The following MGAM variants were observed in gnomAD, a reference collection of about 807,000 sequenced individuals.
MGAM encodes the protein alpha-1,4-glucosidase.
MGAM carries 253 observed loss-of-function variants against 358.8 expected under a neutral mutation model. That is an observed-to-expected ratio of 0.71 (90% CI 0.64 to 0.78). The LOEUF is 0.78. Among genes scored for constraint, MGAM ranks in the 30% least tolerant of loss-of-function variants. The probability of loss-of-function intolerance (pLI) is 0.00; values close to 1 mark genes in which losing one functional copy is unlikely to be tolerated. For missense variants in MGAM, 3,080 were observed against 3,432.6 expected (o/e 0.90, Z 2.57); for synonymous variants, 1,105 against 1,227.1 (o/e 0.90, Z 2.08).
Position 142,027,105 on chromosome 7 carries a change from A to G in MGAM, c.983-10A>G. ...CTGATTTTTATTTTCTTCATTTTTAACCTTTCAAGAGGTTGTCCTTCAGCC... is the reference window on the plus strand; with the variant it reads ...CTGATTTTTATTTTCTTCATTTTTAGCCTTTCAAGAGGTTGTCCTTCAGCC... On this transcript the variant is annotated splice_polypyrimidine_tract_variant and intron_variant, in intron 8 of 70. Coordinates refer to ENST00000475668, the MANE Select transcript of MGAM (RefSeq NM_001365693.1). The G allele has an allele frequency of 6.3e-7, 1 of 1,595,586 alleles. No homozygotes were observed.
At chr7:142,097,425 T>C (rs1816024746) in intron 65 of MGAM, among the ~76,000 whole-genome samples, 168 bp from the exon 66 acceptor site, 1 of 152,180 alleles carries the variant, frequency 6.6e-6, no homozygotes. Flanking sequence ...ATCTCTCCTG[T>C]TTGAAAAAGG....
chr7:142,100,284 T>C (rs543905173), intron 67 of MGAM, among the ~76,000 whole-genome samples: 5 of 152,274 alleles, frequency 3.3e-5, no homozygotes, highest in African/African-American at 1.2e-4. Context: ...CACCATTTCA[T>C]AGATGAGCAA....
At chr7:142,021,193 A>G (rs939114797) in intron 5 of MGAM, 110 bp downstream of exon 5, 5 of 713,422 alleles carry the variant, frequency 7.0e-6, no homozygotes, top group South Asian at 5.8e-5. Flanking sequence ...GTATTTTTCT[A>G]TATTGCTATT....
In MGAM at chr7:142,045,154, TG is replaced by T. The variant is rs1809922703; in HGVS notation, c.2499-2630del. Among the ~76,000 whole-genome samples the T allele has an allele frequency of 1.6e-4, 12 of 75,900 alleles. 1 individual carries two copies. The highest frequency in any genetic ancestry group is 3.7e-4 in the Admixed American group (2 of 5,452). 49.8% of individuals were successfully genotyped at this position (75,900 alleles called of 152,430 possible). On this transcript the variant is annotated intron_variant, in intron 21 of 70. Coordinates refer to ENST00000475668, the MANE Select transcript of MGAM (RefSeq NM_001365693.1). Reference sequence around the variant, plus strand: ...ATATGTATATTATATATCATATATGTGATATATAATATATATATTATATAAC... The same window carrying T: ...ATATGTATATTATATATCATATATGTATATATAATATATATATTATATAAC...
intron 21 of MGAM, among the ~76,000 whole-genome samples, chr7:142,042,750 TAA>T (rs1491256672): frequency 1.3e-5 from 1 of 77,780 alleles, no homozygotes; most frequent in African/African-American, 5.3e-5. Flanking sequence ...TATCTGAATA[TAA>T]TATATATATT....
chr7:142,101,329 A>C (rs1193829691), intron 68 of MGAM, among the ~76,000 whole-genome samples: 1 of 151,770 alleles, frequency 6.6e-6, no homozygotes, highest in Non-Finnish European at 1.5e-5. Flanking sequence ...TTGCTCAAGA[A>C]ATTATTAGCT....
chr7:142,051,528 C>A (rs1360798140), intron 24 of MGAM, among the ~76,000 whole-genome samples: 1 of 152,026 alleles, frequency 6.6e-6, no homozygotes, highest in African/African-American at 2.4e-5. Context: ...GATAAGAAAA[C>A]TATATAGAAA....
intron 21 of MGAM, among the ~76,000 whole-genome samples, chr7:142,045,137 AT>A: frequency 1.5e-5 from 1 of 66,804 alleles, no homozygotes; most frequent in African/African-American, 4.5e-5. Context: ...TAATATGTAT[AT>A]TATATATCAT....
intron 2 of MGAM, among the ~76,000 whole-genome samples, chr7:142,008,295 G>C (rs1029220549): frequency 6.6e-6 from 1 of 152,126 alleles, no homozygotes; most frequent in African/African-American, 2.4e-5. Context: ...AGGGGAGGGA[G>C]TTGGGAGTAG....
At chr7:142,085,428 AT>A (rs1814659741) in intron 54 of MGAM, among the ~76,000 whole-genome samples, 1 of 145,884 alleles carries the variant, frequency 6.9e-6, no homozygotes, top group African/African-American at 2.4e-5. Context: ...TAGATTTACC[AT>A]CCACATTGTA....
At chr7:142,043,748 CA>C (rs1563151785) in intron 21 of MGAM, among the ~76,000 whole-genome samples, 1,165 of 80,602 alleles carry the variant, frequency 0.014, 26 homozygotes, top group Middle Eastern at 0.047. Context: ...ACATTATATA[CA>C]CATACGACAT....
intron 28 of MGAM, 99 bp from the exon 29 acceptor site, chr7:142,055,901 A>C: frequency 6.9e-7 from 1 of 1,458,522 alleles, no homozygotes; most frequent in Non-Finnish European, 9.4e-7. Context: ...AGTTTCATGG[A>C]GAAAACTAGA....
intron 1 of MGAM, among the ~76,000 whole-genome samples, chr7:141,996,963 A>C (rs1804286589): frequency 1.3e-5 from 2 of 152,150 alleles, no homozygotes; most frequent in South Asian, 4.2e-4. Flanking sequence ...TTGGCCCTTA[A>C]ACTTAAAAAC....
At chr7:141,988,433 G>C (rs1318492148) in intron 2 of MGAM, among the ~76,000 whole-genome samples, 1 of 151,962 alleles carries the variant, frequency 6.6e-6, no homozygotes, top group African/African-American at 2.4e-5. Context: ...GGCGCAATCT[G>C]GGCTCACTGC....
chr7:142,083,257 C>A, intron 52 of MGAM, 44 bp from the exon 53 acceptor site: 2 of 1,387,830 alleles, frequency 1.4e-6, no homozygotes, highest in Non-Finnish European at 2.0e-6. Flanking sequence ...TGATTCATGA[C>A]GTGGAAAGTT....
In MGAM at chr7:142,029,142, A is replaced by G. The variant is rs563350483; in HGVS notation, c.1222-1220A>G. Reference sequence around the variant, plus strand: ...AAGGCAGGCAGATCACGAGGTCAGGAGTTCGAGACCAGCCTGGCCAACACA... The same window carrying G: ...AAGGCAGGCAGATCACGAGGTCAGGGGTTCGAGACCAGCCTGGCCAACACA... On this transcript the variant is annotated intron_variant, in intron 10 of 70. Coordinates refer to ENST00000475668, the MANE Select transcript of MGAM (RefSeq NM_001365693.1). 4.1e-4 allele frequency among the ~76,000 whole-genome samples: 63 copies of G among 152,266 alleles called. 1 individual carries two copies. The highest frequency in any genetic ancestry group is 3.1e-3 in the Admixed American group (47 of 15,282).
intron 18 of MGAM, 100 bp from the exon 19 acceptor site, chr7:142,038,431 G>A (rs1422305121): frequency 1.1e-6 from 1 of 893,572 alleles, no homozygotes; most frequent in African/African-American, 1.7e-5. Flanking sequence ...TGCCTGGGCA[G>A]ACGGCCTGCA....
At chr7:141,991,694 C>T (rs1034857679), upstream of MGAM, among the ~76,000 whole-genome samples, 3 of 152,114 alleles carry the variant, frequency 2.0e-5, no homozygotes, top group African/African-American at 7.2e-5. Flanking sequence ...CTCAGCCTCC[C>T]AAAGTGTTGG....
chr7:142,030,786 T>C, intron 12 of MGAM, 29 bp downstream of exon 12: 1 of 1,444,344 alleles, frequency 6.9e-7, no homozygotes, highest in Non-Finnish European at 9.7e-7. Flanking sequence ...TGGAGGCTGG[T>C]GGAGGGGCTG....
Sources: allele counts gnomAD v4.1 joint callset (sites outside exome capture counted in the v4.1 genomes callset), GRCh38; gene constraint gnomAD v4.1.1; transcripts MANE v1.5; gene names NCBI Gene and HGNC (gene_info 2026-07-23, HGNC 2026-07-21).